Variants in AUNIP observed in about 807,000 individuals in gnomAD.
AUNIP encodes aurora kinase A and ninein interacting protein.
AUNIP carries 16 observed loss-of-function variants against 12.2 expected under a neutral mutation model. That is an observed-to-expected ratio of 1.31 (90% confidence interval 0.88 to 1.99). The LOEUF (loss-of-function observed/expected upper bound fraction) is 1.99, where lower values mean the gene tolerates loss of function less well. AUNIP is among the 30% of genes most tolerant of loss of function. The pLI is 0.00. For synonymous variants in AUNIP, 142 were observed against 154.8 expected (o/e 0.92, Z 0.61); for missense variants, 411 against 419.1 (o/e 0.98, Z 0.17).
chr1:25,837,561 AAGG>A lies in AUNIP; in HGVS notation c.79-10_79-8del. The stretch of plus-strand genomic sequence containing the variant: ...CTGGTTTGATTAAATGTGTCTGAGA[AAGG>A]AGAGAAAAAAGAATAATGAGCCTAT... On this transcript the variant is annotated splice_polypyrimidine_tract_variant and splice_region_variant and intron_variant, in intron 1 of 2. Transcript: ENST00000374298. The A allele has an allele frequency of 6.2e-7, 1 of 1,610,072 alleles. No homozygotes were observed. The highest frequency in any genetic ancestry group is 8.5e-7 in the Non-Finnish European group (1 of 1,177,866).
chr1:25,837,644 AC>A (rs2048313949), intron 1 of AUNIP, 90 bp from the exon 2 acceptor site: 1 of 1,335,918 alleles, frequency 7.5e-7, no homozygotes, highest in Non-Finnish European at 1.0e-6. Context: ...TCCTCTGAGA[AC>A]CACACTAGAT....
intron 1 of AUNIP, among the ~76,000 whole-genome samples, chr1:25,841,295 G>A (rs213633): frequency 0.22 from 32,705 of 152,030 alleles, 3,788 homozygotes; most frequent in African/African-American, 0.27. Context: ...AAATAAAGGC[G>A]GCTGTTTGTA....
intron 1 of AUNIP, among the ~76,000 whole-genome samples, chr1:25,848,515 T>C (rs935265544): frequency 5.3e-5 from 8 of 150,218 alleles, no homozygotes; most frequent in African/African-American, 2.0e-4. Context: ...AAGAATCTTA[T>C]GCAAGGAGAG....
chr1:25,837,318 G>T, intron 2 of AUNIP, 95 bp downstream of exon 2: 1 of 1,414,722 alleles, frequency 7.1e-7, no homozygotes, highest in Non-Finnish European at 9.6e-7. Flanking sequence ...CAATGCACTG[G>T]TTTCACCATT....
In AUNIP at chr1:25,847,350, T is replaced by C. The variant is rs1217883964; in HGVS notation, c.79-9796A>G. On this transcript the variant is annotated intron_variant, in intron 1 of 2. Transcript: ENST00000374298. The surrounding 1 kb of genome is among the most constrained non-coding windows in gnomAD (Gnocchi z 4.2). Reference sequence around the variant, plus strand: ...GATATTGGCTCACCACAACCTCTGCTTCCTAGGTTCAAGTGATTCTGCTGC... The same window carrying C: ...GATATTGGCTCACCACAACCTCTGCCTCCTAGGTTCAAGTGATTCTGCTGC... Among the ~76,000 whole-genome samples, 4 of 152,096 alleles carry C rather than the reference T, an allele frequency of 2.6e-5. No homozygotes were observed. Among genetic ancestry groups the C allele is most frequent in the African/African-American group, 4.8e-5 (2 of 41,432 alleles).
chr1:25,834,875 C>A lies in AUNIP; in HGVS notation c.*118G>T. ...ACACAGAGAAGATGCTCAGTAATGA[C>A]AACTTCATCCCATGCCACCTTCCCA... On this transcript the variant is annotated 3_prime_UTR_variant, in exon 3 of 3. Coordinates refer to ENST00000374298, the MANE Select transcript of AUNIP (RefSeq NM_024037.3). 1 of 1,509,746 alleles carries A rather than the reference C, an allele frequency of 6.6e-7. No homozygotes were observed. The highest frequency in any genetic ancestry group is 1.4e-5 in the South Asian group (1 of 73,642). 93.5% of individuals were successfully genotyped at this position (1,509,746 alleles called of 1,614,324 possible).
At chr1:25,839,865 C>T (rs145336457) in intron 1 of AUNIP, among the ~76,000 whole-genome samples, 98 of 152,196 alleles carry the variant, frequency 6.4e-4, no homozygotes, top group African/African-American at 2.4e-3. Context: ...TGAGGTTTCA[C>T]CATGTTGGCC....
chr1:25,840,963 T>C (rs1336607410), intron 1 of AUNIP, among the ~76,000 whole-genome samples: 3 of 152,246 alleles, frequency 2.0e-5, no homozygotes, highest in African/African-American at 4.8e-5. Context: ...TAAATAGTTA[T>C]TTAAATTACT....
intron 1 of AUNIP, among the ~76,000 whole-genome samples, chr1:25,841,714 C>T (rs1445667872): frequency 6.6e-5 from 10 of 151,884 alleles, no homozygotes; most frequent in Non-Finnish European, 1.0e-4. Flanking sequence ...TTAGTAGAGA[C>T]GGGGTTTCAC....
At chr1:25,849,281 T>C (rs1250181666) in intron 1 of AUNIP, among the ~76,000 whole-genome samples, 2 of 152,192 alleles carry the variant, frequency 1.3e-5, no homozygotes, top group Non-Finnish European at 2.9e-5. Context: ...TCACATACCA[T>C]AAAATTTGCC....
In AUNIP at chr1:25,859,301, C is replaced by G. The variant is rs539090784; in HGVS notation, c.57G>C (p.Ala19=). The change falls in exon 1 of 3, where the codon GCG becomes GCC. Residue 19 remains alanine, a synonymous_variant. Coordinates refer to ENST00000374298, the MANE Select transcript of AUNIP (RefSeq NM_024037.3). Reference sequence around the variant, plus strand: ...CCACCTGCACTTTCCGCCTCTTCAGCGCCGCCGCGTCCAGCCACACGCCGC... The same window carrying G: ...CCACCTGCACTTTCCGCCTCTTCAGGGCCGCCGCGTCCAGCCACACGCCGC... ...EACGVWLDAA[A]LKRRKVQTHL... The G allele has an allele frequency of 6.3e-7, 1 of 1,575,746 alleles. No homozygotes were observed. The highest frequency in any genetic ancestry group is 8.6e-7 in the Non-Finnish European group (1 of 1,162,986).
At chr1:25,832,027 C>T (rs1178013126), downstream of AUNIP, 1 of 1,614,152 alleles carries the variant, frequency 6.2e-7, no homozygotes, top group East Asian at 2.2e-5. Flanking sequence ...AGGAAATTGA[C>T]AACCCTCAGC....
rs145033548 is a variant in AUNIP at position 25,835,431 on chromosome 1, C to A, written c.636G>T (p.Glu212Asp). The A allele has an allele frequency of 5.0e-6, 8 of 1,614,252 alleles. No individual in the cohort carries two copies. In the African/African-American group the frequency reaches 9.3e-5, roughly 19 times the overall value. ...TGTCCCCAGGTAGTTTGGTGTGTTT[C>A]TCCATACTCTGATAGTTCTTCTTAG... ...HESKKNYQSM[E>D]KHTKLPGDKC... Residue 212 changes from glutamate to aspartate, a missense_variant, in exon 3 of 3, where the codon GAG becomes GAT. Physicochemically the swap from Glu to Asp is conservative, Grantham distance 45. Coordinates refer to ENST00000374298, the MANE Select transcript of AUNIP (RefSeq NM_024037.3).
Position 25,834,954 on chromosome 1 carries a change from A to G in AUNIP, c.*39T>C. On this transcript the variant is annotated 3_prime_UTR_variant, in exon 3 of 3. Transcript: ENST00000374298. ...CACAACTATATTTTCCTACATCTCT[A>G]TCATTTCAAGGTACTTTTAGAAACA... is the stretch of plus-strand genomic sequence containing the variant. 4.5e-6 allele frequency: 7 copies of G among 1,570,320 alleles called. No individual in the cohort carries two copies. Among genetic ancestry groups the G allele is most frequent in the Non-Finnish European group, 6.0e-6 (7 of 1,160,056 alleles).
Position 25,835,525 on chromosome 1 carries a change from C to T in AUNIP, c.542G>A (p.Ser181Asn), listed in dbSNP as rs140435244. ...TTCCTTTCGGTCTAGCAAACAAGAA[C>T]TTTCCAAGTCCTCGGTGAAGGAAAA... ...LAFSFTEDLE[S>N]SCLLDRKEEK... The change falls in exon 3 of 3, where the codon AGT (serine) becomes AAT (asparagine). Residue 181 changes from serine (S) to asparagine (N), a missense_variant. Physicochemically the swap from Ser to Asn is conservative, Grantham distance 46. Coordinates refer to ENST00000374298, the MANE Select transcript of AUNIP (RefSeq NM_024037.3). The T allele has an allele frequency of 6.0e-4, 963 of 1,614,136 alleles. 2 individuals are homozygous for T. The highest frequency in any genetic ancestry group is 6.8e-4 in the Non-Finnish European group (807 of 1,180,062).
intron 1 of AUNIP, 136 bp from the exon 2 acceptor site, chr1:25,837,690 A>AG (rs2048314675): frequency 3.5e-6 from 3 of 857,598 alleles, no homozygotes; most frequent in Non-Finnish European, 5.0e-6. Context: ...TTCTCAAGGT[A>AG]GTTGGTGCTG....
intron 1 of AUNIP, among the ~76,000 whole-genome samples, chr1:25,839,100 T>C (rs1243692201): frequency 6.6e-6 from 1 of 151,986 alleles, no homozygotes; most frequent in Non-Finnish European, 1.5e-5. Context: ...CATGAAAAAA[T>C]TGATATAAAC....
rs144450710 is a variant in AUNIP at position 25,846,626 on chromosome 1, G to A, written c.79-9072C>T. ...TAATCCAAGCTACTCAGGAGGCTGAGACGGGAGAATTGCTTGAACCTGGGA... is the reference window on the plus strand; with the variant it reads ...TAATCCAAGCTACTCAGGAGGCTGAAACGGGAGAATTGCTTGAACCTGGGA... On this transcript the variant is annotated intron_variant, in intron 1 of 2. Transcript: ENST00000374298. Among the ~76,000 whole-genome samples, 216 of 152,312 alleles carry A rather than the reference G, an allele frequency of 1.4e-3. 1 individual carries two copies. The highest frequency in any genetic ancestry group is 6.8e-3 in the Middle Eastern group (2 of 294).
intron 2 of AUNIP, 30 bp downstream of exon 2, chr1:25,837,383 A>T (rs1218315578): frequency 3.1e-6 from 5 of 1,598,986 alleles, no homozygotes; most frequent in Admixed American, 3.5e-5. Flanking sequence ...TGCTCTGGAT[A>T]ATGAAGTATT....
Sources: allele counts gnomAD v4.1 joint callset (sites outside exome capture counted in the v4.1 genomes callset), GRCh38; gene constraint gnomAD v4.1.1; non-coding constraint Gnocchi (gnomAD v3.1); transcripts MANE v1.5; gene names NCBI Gene and HGNC (gene_info 2026-07-23, HGNC 2026-07-21).